The following NPAS3 variants were observed in gnomAD, a reference collection of about 807,000 sequenced individuals.
NPAS3 encodes neuronal PAS domain protein 3, also known as neuronal PAS domain-containing protein 3.
Under a neutral mutation model 73.1 loss-of-function variants are expected in NPAS3, and 14 were observed. The observed-to-expected ratio is 0.19, with a 90% CI of 0.13 to 0.30. The LOEUF is 0.30. Ranked by LOEUF, NPAS3 falls within the 10% of genes least tolerant of loss-of-function variation. NPAS3 has a pLI of 1.00. For synonymous variants in NPAS3, 620 were observed against 541.5 expected (o/e 1.14, Z -2.01); for missense variants, 1,096 against 1,250.0 (o/e 0.88, Z 1.86).
At chr14:33,351,204 G>A (rs1390944088) in intron 3 of NPAS3, among the ~76,000 whole-genome samples, 1 of 152,224 alleles carries the variant, frequency 6.6e-6, no homozygotes. Context: ...CTGAGGGCCA[G>A]TCAGCAGTCT....
At chr14:33,726,648 A>G (rs547461876) in intron 6 of NPAS3, among the ~76,000 whole-genome samples, 44 of 152,224 alleles carry the variant, frequency 2.9e-4, no homozygotes, top group African/African-American at 1.0e-3. Context: ...ACCTGAAATT[A>G]TTGTATCTAT....
At chr14:33,448,727 A>G (rs1293129783) in intron 4 of NPAS3, among the ~76,000 whole-genome samples, 1 of 152,194 alleles carries the variant, frequency 6.6e-6, no homozygotes, top group East Asian at 1.9e-4. Flanking sequence ...CCACGATGAA[A>G]ATATCAAAGT....
chr14:33,233,813 A>G (rs1323188736), intron 3 of NPAS3, among the ~76,000 whole-genome samples: 1 of 152,140 alleles, frequency 6.6e-6, no homozygotes, highest in Non-Finnish European at 1.5e-5. Context: ...ATCCTGATAA[A>G]GAGTTGTAGT....
chr14:33,724,504 C>T (rs1347055335), intron 6 of NPAS3, among the ~76,000 whole-genome samples: 1 of 152,016 alleles, frequency 6.6e-6, no homozygotes. Flanking sequence ...CGTGGTGGCG[C>T]CCACCTGTAG....
chr14:33,219,472 A>G (rs1214896866), intron 3 of NPAS3, among the ~76,000 whole-genome samples: 1 of 152,238 alleles, frequency 6.6e-6, no homozygotes, highest in Non-Finnish European at 1.5e-5. Context: ...TAAAATATGT[A>G]AAGTATAAGA....
At chr14:33,351,254 T>C (rs934385325) in intron 3 of NPAS3, among the ~76,000 whole-genome samples, 5 of 152,182 alleles carry the variant, frequency 3.3e-5, no homozygotes, top group Non-Finnish European at 7.3e-5. Flanking sequence ...AATAATCAAA[T>C]ACCCGCAGCC....
At chr14:33,124,010 G>A (rs995068919) in intron 2 of NPAS3, among the ~76,000 whole-genome samples, 1 of 151,818 alleles carries the variant, frequency 6.6e-6, no homozygotes, top group Non-Finnish European at 1.5e-5. Context: ...ATAGGTGCTT[G>A]CCACCATGCC....
chr14:33,060,592 C>T (rs1300452798), intron 2 of NPAS3, among the ~76,000 whole-genome samples: 1 of 152,204 alleles, frequency 6.6e-6, no homozygotes, highest in African/African-American at 2.4e-5. Context: ...GCTGTCTTTT[C>T]CATCCTTTGG....
intron 2 of NPAS3, among the ~76,000 whole-genome samples, chr14:33,075,474 C>T (rs149807325): frequency 6.6e-5 from 10 of 152,284 alleles, no homozygotes; most frequent in Non-Finnish European, 7.4e-5. Context: ...ACATATGCTG[C>T]GTTTTCTCTC....
In NPAS3 at chr14:33,623,010, G is replaced by A. The variant is rs569633803; in HGVS notation, c.559-53201G>A. Among the ~76,000 whole-genome samples, 10 of 152,160 alleles carry A rather than the reference G, an allele frequency of 6.6e-5. No individual in the cohort carries two copies. The East Asian group carries it at 1.5e-3, about 24-fold the overall frequency. On this transcript the variant is annotated intron_variant, in intron 5 of 11. Coordinates refer to ENST00000356141, the Ensembl canonical transcript of NPAS3. ...ACTTCACACTACTGCATTTTTGGAC[G>A]TTAAGGTGTAGTTCAGGGGGTAAAA...
At position 33,621,243 on chromosome 14, in the gene NPAS3, G is replaced by A. The variant is rs539031614; in HGVS notation, c.559-54968G>A. ...TACTTTATGAGGAAGTATCATGAAA[G>A]AAATAAAACTTAAGTCTAGGCTTGA... On this transcript the variant is annotated intron_variant, in intron 5 of 11. Coordinates refer to ENST00000356141, the Ensembl canonical transcript of NPAS3. Among the ~76,000 whole-genome samples, 336 of 152,210 alleles carry A rather than the reference G, an allele frequency of 2.2e-3. 2 individuals carry two copies. Among genetic ancestry groups the A allele is most frequent in the African/African-American group, 7.9e-3 (330 of 41,564 alleles).
rs1014708569 is a variant in NPAS3, at chr14:33,565,747, T to C, written c.558+5537T>C. Reference sequence around the variant, plus strand: ...TTTCAACACAGCAGAGGGATTACAATGATGGAGCCAAGTGTTAGCATTTTT... The same window carrying C: ...TTTCAACACAGCAGAGGGATTACAACGATGGAGCCAAGTGTTAGCATTTTT... On this transcript the variant is annotated intron_variant, in intron 5 of 11. Coordinates refer to ENST00000356141, the Ensembl canonical transcript of NPAS3. Among the ~76,000 whole-genome samples, 5 of 152,300 alleles carry C rather than the reference T, an allele frequency of 3.3e-5. No individual in the cohort carries two copies. In the South Asian group the frequency reaches 1.0e-3, roughly 32 times the overall value.
At chr14:33,159,362 G>A (rs980487593) in intron 2 of NPAS3, among the ~76,000 whole-genome samples, 2 of 151,948 alleles carry the variant, frequency 1.3e-5, no homozygotes, top group Non-Finnish European at 2.9e-5. Context: ...CTTGTAATTT[G>A]GGGGCTGTGG....
At chr14:33,752,482 A>G (rs1566500434) in intron 7 of NPAS3, among the ~76,000 whole-genome samples, 1 of 152,210 alleles carries the variant, frequency 6.6e-6, no homozygotes, top group Non-Finnish European at 1.5e-5. Flanking sequence ...GCTAAAAAAA[A>G]GAACTGGACC....
chr14:33,441,746 C>T (rs565630284), intron 4 of NPAS3, among the ~76,000 whole-genome samples: 11 of 152,122 alleles, frequency 7.2e-5, no homozygotes, highest in Non-Finnish European at 1.5e-4. Context: ...CACAGTTTCA[C>T]GTGGCTGGGG....
intron 5 of NPAS3, among the ~76,000 whole-genome samples, chr14:33,615,384 C>G (rs2057882199): frequency 6.6e-6 from 1 of 152,100 alleles, no homozygotes; most frequent in Non-Finnish European, 1.5e-5. Flanking sequence ...ACAGCAGCGA[C>G]TGCAGAGGTG....
chr14:33,778,310 A>C (rs953747086), intron 8 of NPAS3, among the ~76,000 whole-genome samples, 156 bp from the exon 9 acceptor site: 6 of 152,218 alleles, frequency 3.9e-5, no homozygotes, highest in African/African-American at 1.4e-4. Context: ...GTGTTAAAGA[A>C]ATAATCTTAT....
chr14:33,139,900 T>C (rs10137682), intron 2 of NPAS3, among the ~76,000 whole-genome samples: 66,642 of 151,624 alleles, frequency 0.44, 15,599 homozygotes, highest in African/African-American at 0.6. Flanking sequence ...CCTGTCTACT[T>C]CCACTTCTTG....
chr14:33,793,785 T>G, intron 9 of NPAS3, 112 bp from the exon 10 acceptor site: 1 of 921,648 alleles, frequency 1.1e-6, no homozygotes, highest in South Asian at 1.9e-5. Context: ...CACCCTGGCT[T>G]GGTGTAGGTC....
Sources: allele counts gnomAD v4.1 joint callset (sites outside exome capture counted in the v4.1 genomes callset), GRCh38; gene constraint gnomAD v4.1.1; transcripts MANE v1.5; gene names NCBI Gene and HGNC (gene_info 2026-07-23, HGNC 2026-07-21).